The following ZNF540 variants were observed in gnomAD, a reference collection of about 807,000 sequenced individuals.
ZNF540 encodes the protein zinc finger protein 540.
In ZNF540, 3 loss-of-function variants were observed where a neutral mutation model predicts 11.8. The observed-to-expected ratio is 0.25, with a 90% CI of 0.12 to 0.65. The LOEUF is 0.65. ZNF540 is among the 30% of genes least tolerant of loss of function. The probability of loss-of-function intolerance (pLI) is 0.83; values close to 1 mark genes in which losing one functional copy is unlikely to be tolerated. For missense variants in ZNF540, 709 were observed against 793.1 expected, an observed-to-expected ratio of 0.89 and a Z score of 1.27; for synonymous variants, 247 against 259.0, an observed-to-expected ratio of 0.95 and a Z score of 0.45.
At chr19:37,604,509 G>A (rs928249175) in intron 4 of ZNF540, among the ~76,000 whole-genome samples, 8 of 151,588 alleles carry the variant, frequency 5.3e-5, no homozygotes, top group South Asian at 2.1e-4. Flanking sequence ...GGGTTTCACC[G>A]TGTTAGCCAG....
intron 1 of ZNF540, chr19:37,567,670 C>A (rs1265106979): frequency 1.3e-5 from 2 of 152,170 alleles, no homozygotes; most frequent in African/African-American, 4.8e-5. Flanking sequence ...TGGCCACCTC[C>A]TTTGCGTGTG....
upstream of ZNF540, among the ~76,000 whole-genome samples, chr19:37,592,338 C>T (rs1012627124): frequency 6.6e-6 from 1 of 152,172 alleles, no homozygotes; most frequent in Non-Finnish European, 1.5e-5. Context: ...TAAAATTTTT[C>T]ACGGTCATAT....
chr19:37,590,015 G>C (rs1414728790), upstream of ZNF540, among the ~76,000 whole-genome samples: 3 of 151,894 alleles, frequency 2.0e-5, no homozygotes, highest in Admixed American at 6.6e-5. Context: ...TCCAGGAATT[G>C]TTTTCCATTA....
rs765888300 is a variant in ZNF540 at position 37,612,191 on chromosome 19, G to A, written c.911G>A (p.Cys304Tyr). The change falls in exon 5 of 5, where the codon TGT (cysteine) becomes TAT (tyrosine). Residue 304 changes from cysteine to tyrosine, a missense_variant. Transcript: ENST00000316433. ...TGKKSYECKE[C>Y]GKVFQLIFYF... ...AAGAAATCTTATGAATGTAAAGAAT[G>A]TGGAAAAGTTTTTCAACTTATTTTC... 3.5e-5 allele frequency: 56 copies of A among 1,612,020 alleles called. No homozygotes were observed. Among genetic ancestry groups the A allele is most frequent in the Non-Finnish European group, 4.2e-5 (49 of 1,179,716 alleles).
chr19:37,608,668 C>T (rs553552460), intron 4 of ZNF540, among the ~76,000 whole-genome samples: 5 of 152,208 alleles, frequency 3.3e-5, no homozygotes, highest in South Asian at 4.1e-4. Flanking sequence ...ATAAGGTTTC[C>T]GCAGTCCCAG....
intron 1 of ZNF540, among the ~76,000 whole-genome samples, chr19:37,581,645 T>G (rs1314927235): frequency 2.0e-5 from 3 of 152,016 alleles, no homozygotes; most frequent in African/African-American, 7.2e-5. Context: ...TTATTTTAAG[T>G]AGAGATGGGG....
intron 1 of ZNF540, among the ~76,000 whole-genome samples, chr19:37,573,018 A>G (rs1020699935): frequency 1.3e-5 from 2 of 152,228 alleles, no homozygotes; most frequent in African/African-American, 4.8e-5. Flanking sequence ...GATTGATTAT[A>G]GAATCTTCAA....
chr19:37,594,298 G>C (rs2043952135), upstream of ZNF540: 1 of 152,272 alleles, frequency 6.6e-6, no homozygotes, highest in Admixed American at 6.5e-5. Flanking sequence ...GAGGAGTACT[G>C]CGGCCCGGGA....
At position 37,566,006 on chromosome 19, in the gene ZNF540, C is replaced by G. The variant is rs571505442; in HGVS notation, c.-73+14341C>G. 3.7e-5 allele frequency: 59 copies of G among 1,614,000 alleles called. 1 individual carries two copies. In the South Asian group the frequency reaches 5.9e-4, roughly 16 times the overall value. ...GCTGAAACCTTGTCTGCATTCCTTA[C>G]ATTTGTACAATTTTTCCTTGGTAGG... On this transcript the variant is annotated intron_variant, in intron 1 of 4. Coordinates refer to the ZNF540 transcript ENST00000592533.
intron 4 of ZNF540, chr19:37,611,007 C>G (rs930615935): frequency 3.3e-5 from 5 of 150,906 alleles, no homozygotes; most frequent in African/African-American, 1.2e-4. Flanking sequence ...TGCCATATCA[C>G]CACAATCTTA....
At chr19:37,605,420 T>C (rs909938162) in intron 4 of ZNF540, among the ~76,000 whole-genome samples, 20 of 151,980 alleles carry the variant, frequency 1.3e-4, no homozygotes, top group African/African-American at 4.4e-4. Flanking sequence ...GAGGCCGAGG[T>C]GGGTGGATCA....
chr19:37,583,745 C>A, intron 1 of ZNF540: 1 of 429,192 alleles, frequency 2.3e-6, no homozygotes, highest in Non-Finnish European at 4.2e-6. Context: ...TTCCCAGATT[C>A]AAATCTAGTC....
intron 1 of ZNF540, among the ~76,000 whole-genome samples, chr19:37,552,720 G>A (rs2042618624): frequency 1.3e-5 from 2 of 152,164 alleles, no homozygotes; most frequent in Non-Finnish European, 2.9e-5. Context: ...GGCTGAGGTG[G>A]TGGGATCACT....
Position 37,611,452 on chromosome 19 carries a change from A to G in ZNF540, c.233-61A>G, listed in dbSNP as rs2044127633. The G allele has an allele frequency of 2.2e-6, 3 of 1,376,738 alleles. No homozygotes were observed. The African/African-American group carries it at 4.4e-5, about 20-fold the overall frequency. 85.3% of individuals were successfully genotyped at this position (1,376,738 alleles called of 1,614,324 possible). A position where few individuals can be genotyped will look rare whatever the true frequency, so the allele number is the denominator to read the frequency against. ...CTTTGTTTCCTATTTTGAAAATGTA[A>G]ACTTTATGTTATGCTGGCTACAGGA... On this transcript the variant is annotated intron_variant, in intron 4 of 4. Transcript: ENST00000316433.
chr19:37,604,424 T>C lies in ZNF540; in HGVS notation c.232+3319T>C, dbSNP rs183668185. ...CCGGGTTCACGCCATTCTCCTGCCT[T>C]AGCCTCTGGAGTACCTGGGACTACA... is the stretch of plus-strand genomic sequence containing the variant. On this transcript the variant is annotated intron_variant, in intron 4 of 4. Coordinates refer to ENST00000316433, the MANE Select transcript of ZNF540 (RefSeq NM_001172225.3). Among the ~76,000 whole-genome samples, 10 of 149,148 alleles carry C rather than the reference T, an allele frequency of 6.7e-5. No individual in the cohort carries two copies. In the East Asian group the frequency reaches 2.1e-3, roughly 31 times the overall value.
At chr19:37,591,850 C>T (rs527350077), upstream of ZNF540, among the ~76,000 whole-genome samples, 44 of 152,090 alleles carry the variant, frequency 2.9e-4, 1 homozygote, top group South Asian at 4.2e-3. Context: ...GGCCATGAAC[C>T]GTATTTTAAG....
At chr19:37,556,063 C>A (rs896119986) in intron 1 of ZNF540, 4 of 702,592 alleles carry the variant, frequency 5.7e-6, no homozygotes, top group Non-Finnish European at 1.0e-5. Context: ...CTTCCACATC[C>A]AGTTTGGCTC....
chr19:37,565,737 C>G (rs887958677), intron 1 of ZNF540: 1 of 1,613,878 alleles, frequency 6.2e-7, no homozygotes, highest in Non-Finnish European at 8.5e-7. Context: ...CGAATAAAAG[C>G]TTTCCCACAT....
At chr19:37,606,968 C>T (rs2147231763) in intron 4 of ZNF540, among the ~76,000 whole-genome samples, 1 of 151,682 alleles carries the variant, frequency 6.6e-6, no homozygotes, top group East Asian at 1.9e-4. Context: ...TTTTCTCATA[C>T]AAGGACACAA....
Sources: allele counts gnomAD v4.1 joint callset (sites outside exome capture counted in the v4.1 genomes callset), GRCh38; gene constraint gnomAD v4.1.1; transcripts MANE v1.5; gene names NCBI Gene and HGNC (gene_info 2026-07-23, HGNC 2026-07-21).